SPATA13: variants seen among roughly 807,000 people sequenced by gnomAD.
The protein encoded by SPATA13 is spermatogenesis-associated protein 13.
A neutral mutation model predicts 104.0 loss-of-function variants in SPATA13; 50 were observed. The ratio of observed to expected loss-of-function variants is 0.48; its 90% CI spans 0.38 to 0.61. The LOEUF is 0.61. SPATA13 is among the 20% of genes least tolerant of loss of function. The pLI is 0.00. For synonymous variants in SPATA13, 606 were observed against 667.5 expected (o/e 0.91, Z 1.42); for missense variants, 1,524 against 1,690.6 (o/e 0.90, Z 1.73).
chr13:24,231,414 A>C (rs1872267226), intron 2 of SPATA13, among the ~76,000 whole-genome samples: 1 of 152,204 alleles, frequency 6.6e-6, no homozygotes, highest in South Asian at 2.1e-4. Context: ...AGGTTTGTCC[A>C]TAGAGCATGA....
intron 4 of SPATA13, among the ~76,000 whole-genome samples, chr13:24,260,760 G>A (rs779594859): frequency 2.0e-5 from 3 of 152,176 alleles, no homozygotes; most frequent in African/African-American, 4.8e-5. Context: ...ATTGCTCAAC[G>A]TTAAAGAAGC....
At chr13:24,226,002 T>C (rs1230668803) in intron 2 of SPATA13, among the ~76,000 whole-genome samples, 1 of 152,182 alleles carries the variant, frequency 6.6e-6, no homozygotes, top group Admixed American at 6.5e-5. Context: ...TCTCAGCCCA[T>C]AGGAGACCTG....
intron 3 of SPATA13, among the ~76,000 whole-genome samples, chr13:24,154,526 C>T (rs1001127485): frequency 2.0e-5 from 3 of 151,364 alleles, no homozygotes; most frequent in South Asian, 4.2e-4. Context: ...GCATTGCTAA[C>T]GGGGGGGAGG....
At chr13:24,071,826 T>G (rs1329427728) in intron 3 of SPATA13, among the ~76,000 whole-genome samples, 1 of 152,216 alleles carries the variant, frequency 6.6e-6, no homozygotes, top group African/African-American at 2.4e-5. Context: ...TTAAGCAAAG[T>G]TTTAACTTTG....
intron 3 of SPATA13, among the ~76,000 whole-genome samples, chr13:24,081,383 C>T (rs1879509918): frequency 6.6e-6 from 1 of 152,130 alleles, no homozygotes; most frequent in Non-Finnish European, 1.5e-5. Flanking sequence ...ATTCACTCTT[C>T]TCCTCCCAGC....
chr13:24,260,674 G>A (rs1874015282), intron 4 of SPATA13, among the ~76,000 whole-genome samples: 1 of 152,234 alleles, frequency 6.6e-6, no homozygotes, highest in Non-Finnish European at 1.5e-5. Context: ...CAAATTAGGT[G>A]AGAATTGACA....
intron 3 of SPATA13, among the ~76,000 whole-genome samples, chr13:24,036,168 T>A (rs909743240): frequency 1.8e-4 from 28 of 152,206 alleles, no homozygotes; most frequent in Non-Finnish European, 1.5e-5. Context: ...ACAATAAAAA[T>A]TCCATTACAT....
chr13:24,006,029 G>C (rs1359475875), intron 2 of SPATA13, among the ~76,000 whole-genome samples: 2 of 152,236 alleles, frequency 1.3e-5, no homozygotes, highest in East Asian at 1.9e-4. Context: ...GCCAGGGTCA[G>C]ACTGGCTGGG....
At chr13:24,025,664 A>G (rs1184832328) in intron 3 of SPATA13, among the ~76,000 whole-genome samples, 2 of 152,234 alleles carry the variant, frequency 1.3e-5, no homozygotes, top group Non-Finnish European at 2.9e-5. Context: ...CAATTTGGTG[A>G]ATATAAAATG....
chr13:24,242,165 T>C (rs1872875116), intron 2 of SPATA13, among the ~76,000 whole-genome samples: 1 of 152,142 alleles, frequency 6.6e-6, no homozygotes, highest in Non-Finnish European at 1.5e-5. Context: ...CTTGGTTCCA[T>C]AGACGGCCAG....
upstream of SPATA13, among the ~76,000 whole-genome samples, chr13:24,156,289 C>T (rs562652573): frequency 3.2e-4 from 48 of 152,264 alleles, no homozygotes; most frequent in African/African-American, 9.6e-4. Flanking sequence ...GTGAGGACAG[C>T]GTGAGACCGT....
intron 9 of SPATA13, among the ~76,000 whole-genome samples, chr13:24,293,066 T>C (rs1876517630): frequency 8.0e-6 from 1 of 125,770 alleles, no homozygotes; most frequent in Non-Finnish European, 1.6e-5. Flanking sequence ...GATTGGAAAG[T>C]AAAGAATAAG....
chr13:24,211,331 C>T (rs9507286), intron 1 of SPATA13, among the ~76,000 whole-genome samples: 37,153 of 152,088 alleles, frequency 0.24, 5,689 homozygotes, highest in Non-Finnish European at 0.34. Context: ...TATCTTATTT[C>T]TGATGCTAGA....
In SPATA13 at chr13:24,191,599, A is replaced by C. The variant is rs61948467; in HGVS notation, c.-112+30667A>C. 6.3e-3 allele frequency among the ~76,000 whole-genome samples: 872 copies of C among 137,702 alleles called. 33 individuals are homozygous for C. Among genetic ancestry groups the C allele is most frequent in the Admixed American group, 0.059 (762 of 12,980 alleles). 90.3% of individuals were successfully genotyped at this position (137,702 alleles called of 152,430 possible). ...ATCTTGGCTCACTGCAAGCTCTGCC[A>C]CCTGGGTTCACGCCATTCTCCTGCC... On this transcript the variant is annotated intron_variant, in intron 1 of 12. Coordinates refer to ENST00000382108, the MANE Select transcript of SPATA13 (RefSeq NM_001166271.3).
At chr13:24,002,855 A>T (rs960946860) in intron 2 of SPATA13, among the ~76,000 whole-genome samples, 1 of 152,156 alleles carries the variant, frequency 6.6e-6, no homozygotes, top group Non-Finnish European at 1.5e-5. Flanking sequence ...AGTGTTGTAA[A>T]ATCAAACTCA....
intron 3 of SPATA13, among the ~76,000 whole-genome samples, chr13:24,043,737 T>C (rs1229787953): frequency 6.6e-6 from 1 of 152,220 alleles, no homozygotes; most frequent in Non-Finnish European, 1.5e-5. Flanking sequence ...CATGGCCTGC[T>C]GGTCGTGAAA....
intron 3 of SPATA13, among the ~76,000 whole-genome samples, chr13:24,057,933 T>C: frequency 6.6e-6 from 1 of 151,606 alleles, no homozygotes; most frequent in East Asian, 1.9e-4. Flanking sequence ...AACTCCACGT[T>C]ATTATATCTT....
intron 4 of SPATA13, among the ~76,000 whole-genome samples, chr13:24,269,383 TG>T (rs1412574068): frequency 6.6e-6 from 1 of 151,824 alleles, no homozygotes; most frequent in Non-Finnish European, 1.5e-5. Flanking sequence ...TGTGTATGTA[TG>T]TATGTGTGTA....
At chr13:24,124,339 C>G (rs896730903) in intron 3 of SPATA13, among the ~76,000 whole-genome samples, 1 of 152,212 alleles carries the variant, frequency 6.6e-6, no homozygotes, top group Non-Finnish European at 1.5e-5. Context: ...ACTTCTTTCT[C>G]TTAAGTTACA....
Sources: gnomAD v4.1 joint callset for allele counts (sites outside exome capture counted in the v4.1 genomes callset) on GRCh38, gnomAD v4.1.1 for gene constraint, MANE v1.5 for transcripts, NCBI Gene and HGNC (gene_info 2026-07-23, HGNC 2026-07-21) for gene names.